DERL1: variants seen among roughly 807,000 people sequenced by gnomAD.
The protein encoded by DERL1 is derlin-1.
DERL1 carries 24 observed loss-of-function variants against 41.6 expected under a neutral mutation model. The ratio of observed to expected loss-of-function variants is 0.58; its 90% CI spans 0.42 to 0.81. The LOEUF (loss-of-function observed/expected upper bound fraction) is 0.81, where lower values mean the gene tolerates loss of function less well. Ranked by LOEUF, DERL1 falls within the 30% of genes least tolerant of loss-of-function variation. The probability of loss-of-function intolerance (pLI) is 0.00; values close to 1 mark genes in which losing one functional copy is unlikely to be tolerated. For synonymous variants in DERL1, 124 were observed against 112.5 expected, an observed-to-expected ratio of 1.10 and a Z score of -0.65; for missense variants, 260 against 314.3, an observed-to-expected ratio of 0.83 and a Z score of 1.31.
At chr8:123,023,780 C>G in intron 3 of DERL1, 41 bp from the exon 4 acceptor site, 1 of 1,604,768 alleles carries the variant, frequency 6.2e-7, no homozygotes, top group East Asian at 2.2e-5. Flanking sequence ...AAAAAGCATT[C>G]TGTACCTAGT....
Position 123,030,784 on chromosome 8 carries a change from A to G in DERL1, c.154-68T>C, listed in dbSNP as rs558862585. On this transcript the variant is annotated intron_variant, in intron 1 of 7. Coordinates refer to ENST00000259512, the MANE Select transcript of DERL1 (RefSeq NM_024295.6). The stretch of plus-strand genomic sequence containing the variant: ...CTGGTTATTTCTTTCCCTTCTAACT[A>G]AACAAAATTAACAAAGCATCCTCCT... 2.6e-4 allele frequency: 285 copies of G among 1,104,990 alleles called. 2 individuals carry two copies. The South Asian group carries it at 3.7e-3, about 14-fold the overall frequency. 68.4% of individuals were successfully genotyped at this position (1,104,990 alleles called of 1,614,324 possible).
At chr8:123,029,017 A>T (rs1007463029) in intron 2 of DERL1, among the ~76,000 whole-genome samples, 3 of 152,000 alleles carry the variant, frequency 2.0e-5, no homozygotes, top group Non-Finnish European at 4.4e-5. Flanking sequence ...GCAGGGAGCC[A>T]TGACTGTGCC....
At chr8:123,035,804 A>G (rs1469641032) in intron 1 of DERL1, among the ~76,000 whole-genome samples, 3 of 152,206 alleles carry the variant, frequency 2.0e-5, no homozygotes, top group Non-Finnish European at 4.4e-5. Context: ...TCCTTTAGCT[A>G]AAATCTTCTA....
chr8:123,015,613 G>A (rs368101025), intron 7 of DERL1, 28 bp from the exon 8 acceptor site: 127 of 1,598,294 alleles, frequency 7.9e-5, no homozygotes, highest in Non-Finnish European at 9.7e-5. Context: ...GGACACAAAC[G>A]GAGAGAAGAG....
intron 1 of DERL1, among the ~76,000 whole-genome samples, chr8:123,035,387 C>T (rs575097001): frequency 2.6e-5 from 4 of 152,186 alleles, no homozygotes; most frequent in African/African-American, 4.8e-5. Context: ...TTGTAAGTAT[C>T]CAACTAAATC....
chr8:123,036,850 C>G (rs1295242753), intron 1 of DERL1, among the ~76,000 whole-genome samples: 1 of 152,166 alleles, frequency 6.6e-6, no homozygotes, highest in Non-Finnish European at 1.5e-5. Context: ...TTAAATCAGT[C>G]TCCTAAGGTT....
At chr8:123,034,112 T>A (rs947453865) in intron 1 of DERL1, among the ~76,000 whole-genome samples, 1 of 152,172 alleles carries the variant, frequency 6.6e-6, no homozygotes, top group African/African-American at 2.4e-5. Context: ...AATAACTGAA[T>A]GGGTACTGCT....
intron 1 of DERL1, among the ~76,000 whole-genome samples, chr8:123,040,798 G>C (rs1022773243): frequency 2.0e-5 from 3 of 152,128 alleles, no homozygotes; most frequent in African/African-American, 7.2e-5. Flanking sequence ...AGATGACTCC[G>C]ACAATTAACT....
intron 1 of DERL1, 41 bp downstream of exon 1, chr8:123,041,929 T>C: frequency 6.5e-7 from 1 of 1,546,180 alleles, no homozygotes. Flanking sequence ...CTGGGCCTCC[T>C]GGGGCCTGTA....
At chr8:123,039,563 C>A (rs914418881) in intron 1 of DERL1, among the ~76,000 whole-genome samples, 2 of 152,140 alleles carry the variant, frequency 1.3e-5, no homozygotes, top group Non-Finnish European at 2.9e-5. Context: ...GGAAGGTTGT[C>A]TCCAGAGCCA....
At chr8:123,032,430 T>A (rs1315942913) in intron 1 of DERL1, among the ~76,000 whole-genome samples, 1 of 152,214 alleles carries the variant, frequency 6.6e-6, no homozygotes, top group Non-Finnish European at 1.5e-5. Flanking sequence ...CCATCGCACC[T>A]GGCTGCATTT....
At chr8:123,034,086 AG>A (rs1812872956) in intron 1 of DERL1, among the ~76,000 whole-genome samples, 1 of 152,214 alleles carries the variant, frequency 6.6e-6, no homozygotes, top group African/African-American at 2.4e-5. Context: ...AAAGGCCCCA[AG>A]AATTGCAAGA....
At chr8:123,034,532 T>C (rs575274908) in intron 1 of DERL1, among the ~76,000 whole-genome samples, 2 of 152,300 alleles carry the variant, frequency 1.3e-5, no homozygotes, top group Non-Finnish European at 2.9e-5. Context: ...ACGGATTTCA[T>C]AGATGAGGAA....
chr8:123,022,507 G>A (rs1360289909), intron 5 of DERL1, among the ~76,000 whole-genome samples, 177 bp downstream of exon 5: 1 of 152,090 alleles, frequency 6.6e-6, no homozygotes, highest in Non-Finnish European at 1.5e-5. Flanking sequence ...GGCCAGCAAC[G>A]GACTCCAGGC....
chr8:123,032,837 T>A (rs936621651), intron 1 of DERL1, among the ~76,000 whole-genome samples: 6 of 151,588 alleles, frequency 4.0e-5, no homozygotes, highest in Non-Finnish European at 8.8e-5. Context: ...CCTATGCCAA[T>A]ATCAAGTTAT....
Position 123,014,227 on chromosome 8 carries a change from T to C in DERL1, c.*1220A>G, listed in dbSNP as rs1814492800. ...ACCTACGAAAAAAAGGTGTGGGTAT[T>C]TAAGCTGGTCTGATTCACAGAGCTT... On this transcript the variant is annotated 3_prime_UTR_variant, in exon 8 of 8. Transcript: ENST00000259512. 6.6e-6 allele frequency: 1 copy of C among 152,656 alleles called. No individual in the cohort carries two copies. The highest frequency in any genetic ancestry group is 1.5e-5 in the Non-Finnish European group (1 of 68,046). 9.5% of individuals were successfully genotyped at this position (152,656 alleles called of 1,614,324 possible). A position where few individuals can be genotyped will look rare whatever the true frequency, so the allele number is the denominator to read the frequency against.
Position 123,015,432 on chromosome 8 carries a change from C to T in DERL1, c.*15G>A. On this transcript the variant is annotated 3_prime_UTR_variant, in exon 8 of 8. Coordinates refer to ENST00000259512, the MANE Select transcript of DERL1 (RefSeq NM_024295.6). ...AAATGTGGCTTGAGAGGAGCGGCTGCCCGAGGCCGCCCCTTCACTGGTCTC... is the reference window on the plus strand; with the variant it reads ...AAATGTGGCTTGAGAGGAGCGGCTGTCCGAGGCCGCCCCTTCACTGGTCTC... The T allele has an allele frequency of 6.2e-7, 1 of 1,609,696 alleles. No homozygotes were observed.
Position 123,022,793 on chromosome 8 carries a change from C to G in DERL1, c.358-14G>C, listed in dbSNP as rs771014895. 8.7e-6 allele frequency: 14 copies of G among 1,612,462 alleles called. No homozygotes were observed. The highest frequency in any genetic ancestry group is 1.2e-5 in the Non-Finnish European group (14 of 1,178,840). Reference sequence around the variant, plus strand: ...AATCATCAGCAACTGCAAAAGAAGTCGACATGTAAAAACCAGGCTCCAGAG... The same window carrying G: ...AATCATCAGCAACTGCAAAAGAAGTGGACATGTAAAAACCAGGCTCCAGAG... On this transcript the variant is annotated splice_polypyrimidine_tract_variant and intron_variant, in intron 4 of 7. Transcript: ENST00000259512.
chr8:123,024,821 T>A (rs1467470062), intron 3 of DERL1, among the ~76,000 whole-genome samples, 165 bp downstream of exon 3: 1 of 152,198 alleles, frequency 6.6e-6, no homozygotes, highest in Non-Finnish European at 1.5e-5. Flanking sequence ...AAGGGCTATA[T>A]GATTTACTAC....
Sources: gnomAD v4.1 joint callset for allele counts (sites outside exome capture counted in the v4.1 genomes callset) on GRCh38, gnomAD v4.1.1 for gene constraint, MANE v1.5 for transcripts, NCBI Gene and HGNC (gene_info 2026-07-23, HGNC 2026-07-21) for gene names.